FOXN3: variants seen among roughly 807,000 people sequenced by gnomAD.
FOXN3 encodes forkhead box protein N3.
In FOXN3, 7 loss-of-function variants were observed where a neutral mutation model predicts 38.4. That is an observed-to-expected ratio of 0.18 (90% confidence interval 0.10 to 0.34). FOXN3 has a LOEUF of 0.34. FOXN3 is among the 10% of genes least tolerant of loss of function. The pLI is 1.00. For missense variants in FOXN3, 456 were observed against 613.4 expected (o/e 0.74, Z 2.71); for synonymous variants, 230 against 242.2 (o/e 0.95, Z 0.47).
intron 1 of FOXN3, among the ~76,000 whole-genome samples, chr14:89,468,470 C>T (rs945429503): frequency 3.3e-5 from 5 of 151,920 alleles, no homozygotes; most frequent in African/African-American, 1.2e-4. Context: ...CACACACACA[C>T]ACACATACAC....
intron 2 of FOXN3, among the ~76,000 whole-genome samples, chr14:89,360,701 C>CACCACCTCCACCACTACCTCCACCACT (rs1566966248): frequency 1.0e-4 from 15 of 146,968 alleles, no homozygotes; most frequent in South Asian, 2.1e-4. Context: ...CCTCAGCTAC[C>CACCACCTCCACCACTACCTCCACCACT]ACCACCTCCA....
At chr14:89,419,346 T>C (rs1047096576), upstream of FOXN3, 10 of 368,772 alleles carry the variant, frequency 2.7e-5, no homozygotes, top group Non-Finnish European at 4.3e-5. Context: ...ACCTCAGCTC[T>C]GGGACTTGCT....
chr14:89,333,764 A>T (rs1332816404), intron 3 of FOXN3, among the ~76,000 whole-genome samples: 1 of 149,878 alleles, frequency 6.7e-6, no homozygotes. Context: ...AAAAAAAAAA[A>T]AAAAAAAAAA....
At chr14:89,313,275 T>C (rs1887618297) in intron 3 of FOXN3, among the ~76,000 whole-genome samples, 2 of 152,168 alleles carry the variant, frequency 1.3e-5, no homozygotes, top group Non-Finnish European at 2.9e-5. Context: ...CCATATGAAC[T>C]GACAAGACTG....
chr14:89,431,850 G>A (rs1340586413), intron 1 of FOXN3, among the ~76,000 whole-genome samples: 4 of 152,206 alleles, frequency 2.6e-5, no homozygotes, highest in Middle Eastern at 6.8e-3. Context: ...GAGTAGCTTG[G>A]ATTACAGGCG....
chr14:89,394,239 T>C (rs1288563713), intron 2 of FOXN3, among the ~76,000 whole-genome samples: 6 of 137,052 alleles, frequency 4.4e-5, no homozygotes, highest in Non-Finnish European at 6.1e-5. Flanking sequence ...TTTTTTGAGA[T>C]GGAGTTTCAC....
At chr14:89,229,674 C>T (rs912786545) in intron 4 of FOXN3, among the ~76,000 whole-genome samples, 7 of 152,190 alleles carry the variant, frequency 4.6e-5, no homozygotes, top group African/African-American at 1.7e-4. Flanking sequence ...CCAGCCAATC[C>T]TCTGCCAGGC....
At chr14:89,464,275 G>T (rs1892923852) in intron 1 of FOXN3, among the ~76,000 whole-genome samples, 1 of 152,146 alleles carries the variant, frequency 6.6e-6, no homozygotes, top group Non-Finnish European at 1.5e-5. Flanking sequence ...CTAGACCTGG[G>T]AGTCCCTAAG....
chr14:89,379,146 G>A (rs1469409869), intron 2 of FOXN3, among the ~76,000 whole-genome samples: 3 of 152,140 alleles, frequency 2.0e-5, no homozygotes, highest in Non-Finnish European at 2.9e-5. Flanking sequence ...AAACTCAGAC[G>A]GGAAGAGCTT....
At chr14:89,408,991 C>T (rs1891462946) in intron 2 of FOXN3, among the ~76,000 whole-genome samples, 1 of 152,110 alleles carries the variant, frequency 6.6e-6, no homozygotes, top group Admixed American at 6.5e-5. Context: ...AGGTCAATGC[C>T]CTGGAAGGAC....
At chr14:89,577,568 C>T (rs971054634) in intron 1 of FOXN3, 3 of 152,052 alleles carry the variant, frequency 2.0e-5, no homozygotes, top group African/African-American at 7.3e-5. Context: ...CATATATTCC[C>T]GGGGCAATCA....
At chr14:89,534,377 T>C (rs973081583) in intron 1 of FOXN3, among the ~76,000 whole-genome samples, 2 of 152,118 alleles carry the variant, frequency 1.3e-5, no homozygotes, top group East Asian at 3.9e-4. Flanking sequence ...GCTGGGATTA[T>C]AGGCATGAGC....
intron 1 of FOXN3, among the ~76,000 whole-genome samples, chr14:89,448,843 G>C (rs1365607701): frequency 6.6e-6 from 1 of 151,952 alleles, no homozygotes. Context: ...TCAGGAGACT[G>C]AGGTGGGAGG....
chr14:89,539,869 A>T (rs1260278011), intron 1 of FOXN3, among the ~76,000 whole-genome samples: 1 of 152,228 alleles, frequency 6.6e-6, no homozygotes, highest in Non-Finnish European at 1.5e-5. Context: ...ATGTGCTTGA[A>T]AAACTAGACA....
At chr14:89,226,990 T>C (rs1472009519) in intron 4 of FOXN3, among the ~76,000 whole-genome samples, 1 of 152,216 alleles carries the variant, frequency 6.6e-6, no homozygotes, top group Non-Finnish European at 1.5e-5. Flanking sequence ...TAAATCTCTG[T>C]TGTTGAAGCC....
intron 1 of FOXN3, among the ~76,000 whole-genome samples, chr14:89,457,585 C>T (rs1309176585): frequency 6.6e-6 from 1 of 152,214 alleles, no homozygotes; most frequent in Non-Finnish European, 1.5e-5. Flanking sequence ...TGTATTTCTC[C>T]TGCTTTGTGA....
chr14:89,568,247 G>C (rs986217929), intron 1 of FOXN3, among the ~76,000 whole-genome samples: 1 of 152,012 alleles, frequency 6.6e-6, no homozygotes. Flanking sequence ...CAGGGACTTC[G>C]CTCACCTGGT....
chr14:89,179,758 T>TA (rs1258418100), intron 5 of FOXN3, among the ~76,000 whole-genome samples: 1 of 152,088 alleles, frequency 6.6e-6, no homozygotes, highest in Non-Finnish European at 1.5e-5. Context: ...CAGACCACAT[T>TA]AAAAAAAGCA....
chr14:89,360,368 G>GAAA (rs1889421537), intron 2 of FOXN3, among the ~76,000 whole-genome samples: 1 of 148,766 alleles, frequency 6.7e-6, no homozygotes. Flanking sequence ...GAGGGAGGGA[G>GAAA]GGAGAAAGGG....
Sources: allele counts gnomAD v4.1 joint callset (sites outside exome capture counted in the v4.1 genomes callset), GRCh38; gene constraint gnomAD v4.1.1; transcripts MANE v1.5; gene names NCBI Gene and HGNC (gene_info 2026-07-23, HGNC 2026-07-21).